CCHCR1: variants seen among roughly 807,000 people sequenced by gnomAD.
CCHCR1 encodes HCR (a-helix coiled-coil rod homologue).
CCHCR1 carries 91 observed loss-of-function variants against 114.6 expected under a neutral mutation model. The observed-to-expected ratio is 0.79, with a 90% CI of 0.67 to 0.94. The LOEUF is 0.94. CCHCR1 is among the 40% of genes least tolerant of loss of function. CCHCR1 has a pLI of 0.00. For synonymous variants in CCHCR1, 379 were observed against 428.5 expected (o/e 0.88, Z 1.43); for missense variants, 899 against 1,079.9 (o/e 0.83, Z 2.35).
In CCHCR1 at chr6:31,150,423, T is replaced by C. The variant is rs759724150; in HGVS notation, c.1212+32A>G. The C allele has an allele frequency of 2.6e-5, 41 of 1,569,476 alleles. No homozygotes were observed. Among genetic ancestry groups the C allele is most frequent in the Non-Finnish European group, 3.6e-5 (41 of 1,143,500 alleles). Reference sequence around the variant, plus strand: ...GGGGACAGTAGATGCAGGATGCGGCTGAGGGTGAGGGGTCTGGGGGTTGGG... The same window carrying C: ...GGGGACAGTAGATGCAGGATGCGGCCGAGGGTGAGGGGTCTGGGGGTTGGG... On this transcript the variant is annotated intron_variant, in intron 7 of 17. Transcript: ENST00000396268. This position sits in a 1 kb window ranked among gnomAD's most constrained non-coding sequence, Gnocchi z 5.3.
chr6:31,155,779 T>C (rs1169126677), intron 3 of CCHCR1, among the ~76,000 whole-genome samples: 1 of 151,850 alleles, frequency 6.6e-6, no homozygotes, highest in African/African-American at 2.4e-5. Flanking sequence ...CTATAAGAGA[T>C]TGTTGTTGTT....
Position 31,157,418 on chromosome 6 carries a change from C to A in CCHCR1, c.183G>T (p.Arg61Ser), listed in dbSNP as rs373946157. The A allele has an allele frequency of 6.2e-7, 1 of 1,612,964 alleles. No individual in the cohort carries two copies. Among genetic ancestry groups the A allele is most frequent in the Non-Finnish European group, 8.5e-7 (1 of 1,180,050 alleles). ...HCVPPFSPLA[R>S]SSRDHRNLRR... is the part of the protein sequence containing the mutation. ...TTAAGTTTCTATGGTCCCTGCTGCTCCTGGCCAGAGGTGAGAAAGGAGGTA... is the reference window on the plus strand; with the variant it reads ...TTAAGTTTCTATGGTCCCTGCTGCTACTGGCCAGAGGTGAGAAAGGAGGTA... Residue 61 changes from arginine to serine, a missense_variant, in exon 1 of 18, where the codon AGG becomes AGT. Coordinates refer to ENST00000396268, the MANE Select transcript of CCHCR1 (RefSeq NM_001105564.2).
intron 4 of CCHCR1, among the ~76,000 whole-genome samples, chr6:31,153,452 A>C (rs957037147): frequency 6.6e-6 from 1 of 151,660 alleles, no homozygotes; most frequent in African/African-American, 2.4e-5. Context: ...CCTAATGTTC[A>C]TGTTATAAAG....
At chr6:31,156,556 C>T (rs768617846) in intron 3 of CCHCR1, 175 bp downstream of exon 3, 2 of 570,870 alleles carry the variant, frequency 3.5e-6, no homozygotes, top group East Asian at 3.1e-5. Flanking sequence ...TATTGTTATC[C>T]TCATCCCTAG....
chr6:31,148,491 G>A lies in CCHCR1; in HGVS notation c.1494C>T (p.Ser498=), dbSNP rs1288655469. The A allele has an allele frequency of 1.9e-6, 3 of 1,612,662 alleles. No homozygotes were observed. Among genetic ancestry groups the A allele is most frequent in the Middle Eastern group, 1.7e-4 (1 of 6,060 alleles). ...MGAKGLQLEL[S]RAQEARRRWQ... is the part of the protein sequence containing the mutation. ...ACCGACGCCTGGCCTCCTGAGCACG[G>A]CTCAGCTCCAACTGCAGGCCCTGGG... Residue 498 remains serine, a synonymous_variant, in exon 10 of 18, where the codon AGC becomes AGT. Coordinates refer to ENST00000396268, the MANE Select transcript of CCHCR1 (RefSeq NM_001105564.2).
chr6:31,148,109 G>A (rs1271345691), intron 10 of CCHCR1, among the ~76,000 whole-genome samples: 2 of 152,076 alleles, frequency 1.3e-5, no homozygotes, highest in Non-Finnish European at 2.9e-5. Flanking sequence ...AGATCCTCCC[G>A]GGTGCTCTAT....
chr6:31,142,524 C>A lies in CCHCR1; in HGVS notation c.*68G>T. 1 of 1,511,074 alleles carries A rather than the reference C, an allele frequency of 6.6e-7. No homozygotes were observed. The highest frequency in any genetic ancestry group is 1.2e-5 in the South Asian group (1 of 85,416). 93.6% of individuals were successfully genotyped at this position (1,511,074 alleles called of 1,614,324 possible). On this transcript the variant is annotated 3_prime_UTR_variant, in exon 18 of 18. Coordinates refer to ENST00000396268, the MANE Select transcript of CCHCR1 (RefSeq NM_001105564.2). ...AACCCCAGGATGGGGAAGGGCTGGT[C>A]TGTCCCCACCCACTTCTCCAGGATC... is the stretch of plus-strand genomic sequence containing the variant.
Position 31,145,157 on chromosome 6 carries a change from CA to C in CCHCR1, c.1876+8del. ...CTCATCCTCTCCACCCCCTGGCAAC[CA>C]GGTGTACCTTGCTCCCGAGCCCGGC... On this transcript the variant is annotated splice_region_variant and intron_variant, in intron 13 of 17. Coordinates refer to ENST00000396268, the MANE Select transcript of CCHCR1 (RefSeq NM_001105564.2). 6.2e-7 allele frequency: 1 copy of C among 1,611,932 alleles called. No individual in the cohort carries two copies. The highest frequency in any genetic ancestry group is 8.5e-7 in the Non-Finnish European group (1 of 1,179,880).
chr6:31,151,115 G>T lies in CCHCR1; in HGVS notation c.809C>A (p.Ser270Tyr). ...AGCCTCCTCGTGAGCCTGTGTCAAA[G>T]AGGACAGCTGCGGAAAGAAGAGGGG... ...VQRLHQEQLS[S>Y]LTQAHEEALS... The change falls in exon 5 of 18, where the codon TCT (serine) becomes TAT (tyrosine). Residue 270 changes from serine (S) to tyrosine (Y), a missense_variant. Ser to Tyr is a moderately radical substitution (Grantham distance 144, BLOSUM62 -2). Transcript: ENST00000396268. This position sits in a 1 kb window ranked among gnomAD's most constrained non-coding sequence, Gnocchi z 4.1. 2 of 1,612,208 alleles carry T rather than the reference G, an allele frequency of 1.2e-6. No homozygotes were observed. The highest frequency in any genetic ancestry group is 1.7e-6 in the Non-Finnish European group (2 of 1,179,648).
chr6:31,152,793 G>A (rs757391920), intron 4 of CCHCR1, among the ~76,000 whole-genome samples: 3 of 151,954 alleles, frequency 2.0e-5, no homozygotes, highest in Non-Finnish European at 4.4e-5. Context: ...TGCTCTTATG[G>A]GAAAGTAGCA....
chr6:31,142,447 T>TA lies in CCHCR1; in HGVS notation c.*144dup, dbSNP rs1773671069. On this transcript the variant is annotated 3_prime_UTR_variant, in exon 18 of 18. Transcript: ENST00000396268. ...CATTTCCAAACAATGGCTCCTTCTG[T>TA]AGTCGTCTTTATTTAGAGCAGAATT... 2 of 636,656 alleles carry TA rather than the reference T, an allele frequency of 3.1e-6. No individual in the cohort carries two copies. The highest frequency in any genetic ancestry group is 5.2e-5 in the East Asian group (2 of 38,126). 39.4% of individuals were successfully genotyped at this position (636,656 alleles called of 1,614,324 possible). A position where few individuals can be genotyped will look rare whatever the true frequency, so the allele number is the denominator to read the frequency against.
At position 31,150,014 on chromosome 6, in the gene CCHCR1, G is replaced by A; in HGVS notation, c.1362+52C>T. On this transcript the variant is annotated intron_variant, in intron 8 of 17. Transcript: ENST00000396268. The surrounding 1 kb of genome is among the most constrained non-coding windows in gnomAD (Gnocchi z 5.3). ...TGGTTGAATGGATGCCACCTTCATG[G>A]AAGGAGCAAGGTGCTGGGAGGGAAT... 1 of 1,594,444 alleles carries A rather than the reference G, an allele frequency of 6.3e-7. No individual in the cohort carries two copies. Among genetic ancestry groups the A allele is most frequent in the Non-Finnish European group, 8.6e-7 (1 of 1,164,040 alleles).
chr6:31,143,171 C>A lies in CCHCR1; in HGVS notation c.2320-37G>T, dbSNP rs768738965. 13 of 1,610,442 alleles carry A rather than the reference C, an allele frequency of 8.1e-6. No homozygotes were observed. The highest frequency in any genetic ancestry group is 1.1e-5 in the Non-Finnish European group (13 of 1,178,608). On this transcript the variant is annotated intron_variant, in intron 16 of 17. Transcript: ENST00000396268. The surrounding 1 kb of genome is among the most constrained non-coding windows in gnomAD (Gnocchi z 5.3). ...AGGGTTAAACCTAGCCCGGATAGAG[C>A]CTCCCTCACCATCCTCTTTCCACAC...
In CCHCR1 at chr6:31,142,468, G is replaced by C. The variant is rs947646385; in HGVS notation, c.*124C>G. 1 of 790,592 alleles carries C rather than the reference G, an allele frequency of 1.3e-6. No homozygotes were observed. Among genetic ancestry groups the C allele is most frequent in the Non-Finnish European group, 2.0e-6 (1 of 492,484 alleles). 49.0% of individuals were successfully genotyped at this position (790,592 alleles called of 1,614,324 possible). On this transcript the variant is annotated 3_prime_UTR_variant, in exon 18 of 18. Coordinates refer to ENST00000396268, the MANE Select transcript of CCHCR1 (RefSeq NM_001105564.2). The stretch of plus-strand genomic sequence containing the variant: ...TCTGTAGTCGTCTTTATTTAGAGCA[G>C]AATTCAGACTCAGCTGGTATCCCCC...
chr6:31,152,164 G>A (rs955472329), intron 4 of CCHCR1, among the ~76,000 whole-genome samples: 3 of 151,610 alleles, frequency 2.0e-5, no homozygotes, highest in Non-Finnish European at 4.4e-5. Context: ...GCGTGGTGGC[G>A]GGCGCCTGTA....
chr6:31,155,379 C>T (rs1775844571), intron 3 of CCHCR1, among the ~76,000 whole-genome samples: 1 of 151,762 alleles, frequency 6.6e-6, no homozygotes, highest in African/African-American at 2.4e-5. Flanking sequence ...CCGAGGCGGG[C>T]GGATCACGAG....
Position 31,151,132 on chromosome 6 carries a change from G to A in CCHCR1, c.802-10C>T. 7 of 1,610,186 alleles carry A rather than the reference G, an allele frequency of 4.3e-6. No homozygotes were observed. Among genetic ancestry groups the A allele is most frequent in the Non-Finnish European group, 5.9e-6 (7 of 1,178,714 alleles). On this transcript the variant is annotated splice_polypyrimidine_tract_variant and intron_variant, in intron 4 of 17. Coordinates refer to ENST00000396268, the MANE Select transcript of CCHCR1 (RefSeq NM_001105564.2). The surrounding 1 kb of genome is among the most constrained non-coding windows in gnomAD (Gnocchi z 4.1). ...GTGTCAAAGAGGACAGCTGCGGAAA[G>A]AAGAGGGGGCTCAGCAGAGGCTCGA... is the stretch of plus-strand genomic sequence containing the variant.
chr6:31,142,749 A>G, intron 17 of CCHCR1, 33 bp from the exon 18 acceptor site: 2 of 1,592,734 alleles, frequency 1.3e-6, no homozygotes, highest in African/African-American at 2.7e-5. Context: ...AGCACCAGAC[A>G]AGGGAAGGTG....
At position 31,154,427 on chromosome 6, in the gene CCHCR1, G is replaced by T; in HGVS notation, c.801+69C>A. ...ATGGAGGGTCTTTTCTGCAATACCT[G>T]TTCTTTGCTTGGAAGCTACTGCCCA... is the stretch of plus-strand genomic sequence containing the variant. On this transcript the variant is annotated intron_variant, in intron 4 of 17. Coordinates refer to ENST00000396268, the MANE Select transcript of CCHCR1 (RefSeq NM_001105564.2). The surrounding 1 kb of genome is among the most constrained non-coding windows in gnomAD (Gnocchi z 4.1). 2 of 1,296,636 alleles carry T rather than the reference G, an allele frequency of 1.5e-6. No individual in the cohort carries two copies. The highest frequency in any genetic ancestry group is 2.2e-6 in the Non-Finnish European group (2 of 911,452). The allele number at this position is 1,296,636 out of a possible 1,614,324, so 80.3% of individuals were successfully genotyped here.
Sources: allele counts gnomAD v4.1 joint callset (sites outside exome capture counted in the v4.1 genomes callset), GRCh38; gene constraint gnomAD v4.1.1; non-coding constraint Gnocchi (gnomAD v3.1); transcripts MANE v1.5; gene names NCBI Gene and HGNC (gene_info 2026-07-23, HGNC 2026-07-21).